Variants in TRAF2 observed in about 807,000 individuals in gnomAD.
TRAF2 encodes TNF receptor associated factor 2, also known as TNF receptor-associated factor 2.
TRAF2 carries 6 observed loss-of-function variants against 55.6 expected under a neutral mutation model. The observed-to-expected ratio is 0.11, with a 90% CI of 0.06 to 0.21. TRAF2 has a LOEUF of 0.21. Among genes scored for constraint, TRAF2 ranks in the 10% least tolerant of loss-of-function variants. The pLI is 1.00. For missense variants in TRAF2, 561 were observed against 684.5 expected (o/e 0.82, Z 2.01); for synonymous variants, 329 against 276.3 (o/e 1.19, Z -1.89).
At chr9:136,908,276 G>T (rs1294797801) in intron 5 of TRAF2, 45 bp downstream of exon 5, 1 of 1,510,440 alleles carries the variant, frequency 6.6e-7, no homozygotes, top group Admixed American at 2.2e-5. Flanking sequence ...AGCCATGCGG[G>T]GCTGAGCTGG....
intron 1 of TRAF2, among the ~76,000 whole-genome samples, chr9:136,894,238 G>T (rs1185539697): frequency 6.6e-6 from 1 of 151,552 alleles, no homozygotes; most frequent in Non-Finnish European, 1.5e-5. Context: ...GTAGAGACAG[G>T]GTTTCACCAT....
intron 6 of TRAF2, among the ~76,000 whole-genome samples, chr9:136,913,745 G>A (rs887630598): frequency 6.6e-6 from 1 of 151,822 alleles, no homozygotes; most frequent in Non-Finnish European, 1.5e-5. Flanking sequence ...TAAACTATTG[G>A]CCTGCTGTCT....
In TRAF2 at chr9:136,900,988, T is replaced by A. The variant is rs1849807544; in HGVS notation, c.366+468T>A. ...GTCTCTTGTATCCACAAAGGATTGC[T>A]TATTTTGAATTGTGTTGACACTGGA... On this transcript the variant is annotated intron_variant, in intron 4 of 10. Coordinates refer to ENST00000247668, the MANE Select transcript of TRAF2 (RefSeq NM_021138.4). Among the ~76,000 whole-genome samples, 3 of 152,216 alleles carry A rather than the reference T, an allele frequency of 2.0e-5. No homozygotes were observed. In the South Asian group the frequency reaches 6.2e-4, roughly 32 times the overall value.
At chr9:136,890,068 C>T (rs1372527080) in intron 1 of TRAF2, among the ~76,000 whole-genome samples, 2 of 144,342 alleles carry the variant, frequency 1.4e-5, no homozygotes, top group Non-Finnish European at 3.0e-5. Flanking sequence ...AGCCGGTCAC[C>T]GCGTGTGTGA....
rs1178045572 is a variant in TRAF2, at chr9:136,898,921, A to G, written c.181A>G (p.Ile61Val). The change falls in exon 2 of 11, where the codon ATC becomes GTC. Residue 61 changes from isoleucine to valine, a missense_variant. Ile to Val is a conservative substitution (Grantham distance 29). Coordinates refer to ENST00000247668, the MANE Select transcript of TRAF2 (RefSeq NM_021138.4). ...GTACTGCTCCTTCTGCCTGGCCAGC[A>G]TCCTCAGGTGCATGGGGCCTGCAGG... Reference protein sequence around the residue: ...HRYCSFCLASILSSGPQNCAA... With the variant: ...HRYCSFCLASVLSSGPQNCAA... 1.2e-6 allele frequency: 2 copies of G among 1,606,450 alleles called. No individual in the cohort carries two copies. The highest frequency in any genetic ancestry group is 2.2e-5 in the East Asian group (1 of 44,580).
chr9:136,911,235 T>G (rs1486952967), intron 6 of TRAF2, among the ~76,000 whole-genome samples: 4 of 151,560 alleles, frequency 2.6e-5, no homozygotes, highest in Admixed American at 2.0e-4. Flanking sequence ...GGGCTTTCTC[T>G]GTGCATGGTG....
At position 136,925,663 on chromosome 9, in the gene TRAF2, C is replaced by A; in HGVS notation, c.1288-20C>A. On this transcript the variant is annotated intron_variant, in intron 10 of 10. Transcript: ENST00000247668. ...ACGGCCCACAGACCTGTGTCCCCTC[C>A]CTGGGGCTCTCTCCTCCAGGTGACC... The A allele has an allele frequency of 6.2e-7, 1 of 1,613,052 alleles. No homozygotes were observed. The highest frequency in any genetic ancestry group is 8.5e-7 in the Non-Finnish European group (1 of 1,179,432).
At chr9:136,925,494 A>C (rs1850507558) in intron 10 of TRAF2, among the ~76,000 whole-genome samples, 189 bp from the exon 11 acceptor site, 1 of 151,100 alleles carries the variant, frequency 6.6e-6, no homozygotes, top group African/African-American at 2.5e-5. Context: ...GTGGCTGGGG[A>C]GGGCTGGGGA....
At chr9:136,912,151 C>CTTTT (rs1468376221) in intron 6 of TRAF2, among the ~76,000 whole-genome samples, 6 of 115,522 alleles carry the variant, frequency 5.2e-5, no homozygotes, top group African/African-American at 1.9e-4. Context: ...TGCGTCTGGC[C>CTTTT]CTTTTTTTTT....
intron 9 of TRAF2, 89 bp downstream of exon 9, chr9:136,921,304 C>A: frequency 6.5e-7 from 1 of 1,529,564 alleles, no homozygotes; most frequent in East Asian, 2.3e-5. Context: ...GGATGGCTCC[C>A]AAGGGTGGGG....
chr9:136,899,389 C>T (rs1849763059), intron 2 of TRAF2, among the ~76,000 whole-genome samples: 1 of 152,164 alleles, frequency 6.6e-6, no homozygotes, highest in African/African-American at 2.4e-5. Flanking sequence ...GCGTGCCTTC[C>T]TCACAAACGG....
At chr9:136,890,038 T>C (rs1588416601) in intron 1 of TRAF2, among the ~76,000 whole-genome samples, 1 of 103,620 alleles carries the variant, frequency 9.7e-6, no homozygotes, top group South Asian at 3.3e-4. Context: ...CGTGTGTGAG[T>C]CCCCCCCGCA....
At chr9:136,921,850 GC>G (rs1180751893) in intron 9 of TRAF2, among the ~76,000 whole-genome samples, 2 of 152,190 alleles carry the variant, frequency 1.3e-5, no homozygotes, top group African/African-American at 4.8e-5. Context: ...TCCAGAGGCG[GC>G]CCCCCTGCTG....
intron 4 of TRAF2, among the ~76,000 whole-genome samples, chr9:136,907,863 A>G (rs915241853): frequency 1.3e-5 from 2 of 151,786 alleles, no homozygotes; most frequent in Admixed American, 6.6e-5. Flanking sequence ...GTGTGCGGTG[A>G]AGAGAGTGGA....
intron 2 of TRAF2, 88 bp from the exon 3 acceptor site, chr9:136,899,506 G>A (rs764242380): frequency 8.8e-5 from 105 of 1,189,886 alleles, no homozygotes; most frequent in Non-Finnish European, 1.2e-4. Context: ...CTGTGGTGTG[G>A]AGGTAGGTTT....
chr9:136,914,954 CG>C (rs1302281393), intron 6 of TRAF2, among the ~76,000 whole-genome samples: 1 of 150,772 alleles, frequency 6.6e-6, no homozygotes, highest in Admixed American at 6.6e-5. Flanking sequence ...CGGAGGCGAG[CG>C]GATCACCTGA....
At chr9:136,914,829 G>C (rs1158840314) in intron 6 of TRAF2, among the ~76,000 whole-genome samples, 1 of 151,790 alleles carries the variant, frequency 6.6e-6, no homozygotes, top group Non-Finnish European at 1.5e-5. Flanking sequence ...GGCTGTCTCA[G>C]TATTCCACGG....
At chr9:136,895,501 A>G (rs543038309) in intron 1 of TRAF2, among the ~76,000 whole-genome samples, 130 of 152,368 alleles carry the variant, frequency 8.5e-4, no homozygotes, top group African/African-American at 3.0e-3. Flanking sequence ...GTCCAGGCAC[A>G]GAGCGGTCAG....
chr9:136,922,266 A>T (rs1055562719), intron 9 of TRAF2: 1 of 152,244 alleles, frequency 6.6e-6, no homozygotes. Flanking sequence ...GAAAAATGAA[A>T]GATTGTTTTA....
Sources: allele counts gnomAD v4.1 joint callset (sites outside exome capture counted in the v4.1 genomes callset), GRCh38; gene constraint gnomAD v4.1.1; transcripts MANE v1.5; gene names NCBI Gene and HGNC (gene_info 2026-07-23, HGNC 2026-07-21).